The following SPECC1 variants were observed in gnomAD, a reference collection of about 807,000 sequenced individuals.
The protein encoded by SPECC1 is sperm antigen with calponin homology and coiled-coil domains 1.
In SPECC1, 62 loss-of-function variants were observed where a neutral mutation model predicts 104.1. The observed-to-expected ratio is 0.60, with a 90% CI of 0.49 to 0.74. The LOEUF (loss-of-function observed/expected upper bound fraction) is 0.74, where lower values mean the gene tolerates loss of function less well. SPECC1 is among the 30% of genes least tolerant of loss of function. The pLI, the probability that SPECC1 is intolerant of heterozygous loss-of-function variation, is 0.00. For missense variants in SPECC1, 1,306 were observed against 1,310.5 expected (o/e 1.00, Z 0.05); for synonymous variants, 513 against 501.6 (o/e 1.02, Z -0.30).
At chr17:20,107,106 G>A (rs558731728) in intron 2 of SPECC1, among the ~76,000 whole-genome samples, 6 of 134,160 alleles carry the variant, frequency 4.5e-5, no homozygotes, top group South Asian at 2.3e-4. Flanking sequence ...ATCGCATCAC[G>A]GCACTCCAGC....
In SPECC1 at chr17:20,246,014, C is replaced by G; in HGVS notation, c.2440C>G (p.Pro814Ala). The G allele has an allele frequency of 3.1e-6, 5 of 1,614,076 alleles. No homozygotes were observed. The highest frequency in any genetic ancestry group is 2.2e-5 in the South Asian group (2 of 91,060). ...TGTTAGCAGAACATCTCCAACACCC[C>G]CAGAGTCGGCAACCACCGTTAAGTC... Reference protein sequence around the residue: ...VCVSRTSPTPPESATTVKSLI... With the variant: ...VCVSRTSPTPAESATTVKSLI... The change falls in exon 8 of 15, where the codon CCA becomes GCA. Residue 814 changes from proline (P) to alanine (A), a missense_variant. Physicochemically the swap from Pro to Ala is conservative, Grantham distance 27 (BLOSUM62 -1). Coordinates refer to ENST00000395527, the MANE Select transcript of SPECC1 (RefSeq NM_001243439.2).
chr17:20,022,195 C>T lies in SPECC1; in HGVS notation c.-22+12771C>T, dbSNP rs2044419435. Among the ~76,000 whole-genome samples, 6 of 152,152 alleles carry T rather than the reference C, an allele frequency of 3.9e-5. No individual in the cohort carries two copies. In the South Asian group the frequency reaches 1.2e-3, roughly 32 times the overall value. ...TGACTTCATGATCCGCCCGCCTCGG[C>T]CTCCCAAAGTGCTGGGATTACAGGT... On this transcript the variant is annotated intron_variant, in intron 1 of 14. Transcript: ENST00000395527.
chr17:20,307,449 A>G (rs2041800668), intron 14 of SPECC1, among the ~76,000 whole-genome samples: 1 of 152,206 alleles, frequency 6.6e-6, no homozygotes, highest in African/African-American at 2.4e-5. Flanking sequence ...AAGAAGGGGA[A>G]GAGAGAGAGC....
chr17:20,291,133 A>G (rs952016135), intron 12 of SPECC1, among the ~76,000 whole-genome samples: 3 of 152,196 alleles, frequency 2.0e-5, no homozygotes, highest in Non-Finnish European at 2.9e-5. Context: ...GAGCAGTGCC[A>G]TCCACCCCAG....
At chr17:20,277,308 T>C (rs980917591) in intron 12 of SPECC1, among the ~76,000 whole-genome samples, 1 of 152,190 alleles carries the variant, frequency 6.6e-6, no homozygotes, top group Non-Finnish European at 1.5e-5. Flanking sequence ...TTTAAAAGGA[T>C]AACTGGAAAC....
At chr17:20,288,594 C>T (rs1269244256) in intron 12 of SPECC1, among the ~76,000 whole-genome samples, 1 of 152,024 alleles carries the variant, frequency 6.6e-6, no homozygotes, top group African/African-American at 2.4e-5. Context: ...CAGATGCTGG[C>T]GAGGTTGCAG....
intron 3 of SPECC1, among the ~76,000 whole-genome samples, chr17:20,181,855 G>T (rs2034912898): frequency 6.6e-6 from 1 of 151,952 alleles, no homozygotes; most frequent in Admixed American, 6.6e-5. Flanking sequence ...TCTTACTGTG[G>T]TTCATAAAAC....
chr17:20,250,266 C>T (rs2039571100), intron 9 of SPECC1, among the ~76,000 whole-genome samples: 1 of 152,066 alleles, frequency 6.6e-6, no homozygotes, highest in Non-Finnish European at 1.5e-5. Flanking sequence ...GCTTTGAGTC[C>T]AACAAAACCA....
intron 3 of SPECC1, among the ~76,000 whole-genome samples, chr17:20,136,635 A>C (rs1189067311): frequency 1.3e-5 from 2 of 152,118 alleles, no homozygotes; most frequent in Non-Finnish European, 2.9e-5. Context: ...TTCTAGAACT[A>C]TTCAGTGTGT....
chr17:20,309,910 C>T (rs1424864946), intron 14 of SPECC1, among the ~76,000 whole-genome samples: 6 of 149,972 alleles, frequency 4.0e-5, no homozygotes, highest in Non-Finnish European at 7.4e-5. Context: ...CTCCGACTTC[C>T]GGGTTCAAGC....
intron 3 of SPECC1, among the ~76,000 whole-genome samples, chr17:20,194,525 T>TTTTTTTTTTTTTTTTTTTTTTTG (rs2035896918): frequency 1.4e-5 from 2 of 143,294 alleles, no homozygotes; most frequent in African/African-American, 5.3e-5. Flanking sequence ...TTTTTTTTTT[T>TTTTTTTTTTTTTTTTTTTTTTTG]GAGACAGAGT....
At chr17:20,160,620 C>G (rs1480423928) in intron 3 of SPECC1, among the ~76,000 whole-genome samples, 2 of 152,128 alleles carry the variant, frequency 1.3e-5, no homozygotes, top group African/African-American at 4.8e-5. Flanking sequence ...TACCAACCAC[C>G]TAGATTCTAA....
At chr17:20,151,618 G>A (rs77328408) in intron 3 of SPECC1, among the ~76,000 whole-genome samples, 2 of 152,102 alleles carry the variant, frequency 1.3e-5, no homozygotes, top group African/African-American at 2.4e-5. Flanking sequence ...CTTCACTTCC[G>A]CGTGTTGCTT....
At chr17:20,063,472 C>T (rs2046259028) in intron 1 of SPECC1, among the ~76,000 whole-genome samples, 1 of 152,146 alleles carries the variant, frequency 6.6e-6, no homozygotes, top group Non-Finnish European at 1.5e-5. Context: ...TTCAAAGCAT[C>T]AGCTTTTCAT....
At chr17:20,273,608 G>A (rs755735004) in intron 12 of SPECC1, among the ~76,000 whole-genome samples, 17 of 152,138 alleles carry the variant, frequency 1.1e-4, no homozygotes, top group Non-Finnish European at 2.1e-4. Context: ...AAGAGAGAAC[G>A]TTTGGAGCTT....
At chr17:20,115,966 T>G (rs2048734602) in intron 3 of SPECC1, among the ~76,000 whole-genome samples, 3 of 152,254 alleles carry the variant, frequency 2.0e-5, no homozygotes, top group African/African-American at 7.2e-5. Flanking sequence ...AATAACATTG[T>G]ATGCTTTGAA....
At chr17:20,051,186 T>TTCTTTCCC (rs1238220023) in intron 1 of SPECC1, among the ~76,000 whole-genome samples, 1 of 117,072 alleles carries the variant, frequency 8.5e-6, no homozygotes, top group Non-Finnish European at 2.0e-5. Flanking sequence ...CTTTCTTTCC[T>TTCTTTCCC]TCTCCTTCAG....
chr17:20,081,175 T>C (rs1355759740), intron 1 of SPECC1, among the ~76,000 whole-genome samples: 3 of 152,044 alleles, frequency 2.0e-5, no homozygotes, highest in South Asian at 2.1e-4. Context: ...CCAATTGATA[T>C]CTGGTATTTT....
At chr17:20,227,178 G>A (rs1163926188) in intron 4 of SPECC1, among the ~76,000 whole-genome samples, 1 of 152,182 alleles carries the variant, frequency 6.6e-6, no homozygotes, top group African/African-American at 2.4e-5. Flanking sequence ...CTGTTTCTGA[G>A]GCTAAGAATG....
Sources: gnomAD v4.1 joint callset for allele counts (sites outside exome capture counted in the v4.1 genomes callset) on GRCh38, gnomAD v4.1.1 for gene constraint, MANE v1.5 for transcripts, NCBI Gene and HGNC (gene_info 2026-07-23, HGNC 2026-07-21) for gene names.